Variants in WASL observed in about 807,000 individuals in gnomAD.
WASL encodes the protein WASP like actin nucleation promoting factor, also known as actin nucleation-promoting factor WASL.
Under a neutral mutation model 55.5 loss-of-function variants are expected in WASL, and 20 were observed. The observed-to-expected ratio is 0.36, with a 90% CI of 0.25 to 0.52. The LOEUF (loss-of-function observed/expected upper bound fraction) is 0.52. Ranked by LOEUF, WASL falls within the 20% of genes least tolerant of loss-of-function variation. The pLI, the probability that WASL is intolerant of heterozygous loss-of-function variation, is 0.92. For missense variants in WASL, 504 were observed against 622.5 expected, an observed-to-expected ratio of 0.81 and a Z score of 2.03; for synonymous variants, 249 against 217.6, an observed-to-expected ratio of 1.14 and a Z score of -1.27.
intron 10 of WASL, among the ~76,000 whole-genome samples, chr7:123,688,199 T>C (rs1803327977): frequency 1.3e-5 from 2 of 152,178 alleles, no homozygotes; most frequent in South Asian, 4.1e-4. Flanking sequence ...AACCTCAGAA[T>C]AGGTACTGGT....
Position 123,682,595 on chromosome 7 carries a change from A to G in WASL, c.*1924T>C, listed in dbSNP as rs916041755. 2.0e-5 allele frequency: 3 copies of G among 152,150 alleles called. No individual in the cohort carries two copies. Among genetic ancestry groups the G allele is most frequent in the African/African-American group, 7.2e-5 (3 of 41,448 alleles). The allele number at this position is 152,150 out of a possible 1,614,324, so 9.4% of individuals were successfully genotyped here. ...GGCCACAAGTTAAGAGAGATCTTAA[A>G]TTGGCATTACCCTGAAGACATTTCT... On this transcript the variant is annotated 3_prime_UTR_variant, in exon 11 of 11. Coordinates refer to ENST00000223023, the MANE Select transcript of WASL (RefSeq NM_003941.4).
At position 123,689,071 on chromosome 7, in the gene WASL, T is replaced by G; in HGVS notation, c.1427A>C (p.Gln476Pro). 1 of 1,613,592 alleles carries G rather than the reference T, an allele frequency of 6.2e-7. No homozygotes were observed. Among genetic ancestry groups the G allele is most frequent in the Non-Finnish European group, 8.5e-7 (1 of 1,179,776 alleles). The change falls in exon 10 of 11, where the codon CAG (glutamine) becomes CCG (proline). Residue 476 changes from glutamine (Q) to proline (P), a missense_variant. This residue lies in a region of WASL where 53 missense variants were observed against 69.1 expected (regional missense o/e 0.77). Transcript: ENST00000223023. ...GIVGALMEVM[Q>P]KRSKAIHSSD... ...AGAATGAATGGCTTTGCTCCTTTTC[T>G]GCATCACTTCCATTAATGCACCCAC...
chr7:123,686,290 T>C (rs1803287818), intron 10 of WASL, among the ~76,000 whole-genome samples: 1 of 152,062 alleles, frequency 6.6e-6, no homozygotes, highest in Non-Finnish European at 1.5e-5. Context: ...GTCATGTTAA[T>C]TTCTGTTTAC....
chr7:123,693,057 A>G (rs1803439207), intron 8 of WASL, among the ~76,000 whole-genome samples, 190 bp from the exon 9 acceptor site: 1 of 152,172 alleles, frequency 6.6e-6, no homozygotes, highest in Non-Finnish European at 1.5e-5. Flanking sequence ...TTGTCAGCCT[A>G]AAGATCACTT....
intron 1 of WASL, among the ~76,000 whole-genome samples, chr7:123,721,791 T>TAGTCCC (rs1198134604): frequency 6.6e-6 from 1 of 152,090 alleles, no homozygotes; most frequent in East Asian, 1.9e-4. Context: ...CGGGCGCCTG[T>TAGTCCC]AGTCCCAGTC....
intron 1 of WASL, among the ~76,000 whole-genome samples, chr7:123,721,186 A>G (rs1228575173): frequency 6.6e-6 from 1 of 152,242 alleles, no homozygotes; most frequent in African/African-American, 2.4e-5. Context: ...AATAAAAATA[A>G]GCAAATTAAA....
intron 10 of WASL, among the ~76,000 whole-genome samples, chr7:123,684,886 T>A (rs1044729098): frequency 5.3e-5 from 8 of 152,024 alleles, no homozygotes; most frequent in African/African-American, 4.8e-5. Flanking sequence ...TCCAACTACC[T>A]TCTTGTACTC....
chr7:123,708,193 CAA>C (rs1803702082), intron 2 of WASL, among the ~76,000 whole-genome samples: 3 of 151,934 alleles, frequency 2.0e-5, no homozygotes, highest in Non-Finnish European at 4.4e-5. Flanking sequence ...ACAACAACAA[CAA>C]CAACAAAAGA....
At chr7:123,699,795 C>G (rs186884683) in intron 5 of WASL, among the ~76,000 whole-genome samples, 11 of 152,274 alleles carry the variant, frequency 7.2e-5, no homozygotes, top group Non-Finnish European at 4.4e-5. Flanking sequence ...CCCTCTTTCT[C>G]TACCCAAAAA....
chr7:123,726,212 A>C (rs762756802), intron 1 of WASL, among the ~76,000 whole-genome samples: 13 of 152,234 alleles, frequency 8.5e-5, no homozygotes, highest in Non-Finnish European at 7.3e-5. Flanking sequence ...TATAAGGTCA[A>C]TTATTATTAA....
intron 1 of WASL, among the ~76,000 whole-genome samples, chr7:123,712,750 C>T (rs1803778768): frequency 6.6e-6 from 1 of 152,186 alleles, no homozygotes; most frequent in Non-Finnish European, 1.5e-5. Context: ...TTAGCCACTG[C>T]TGCAATGGCC....
chr7:123,710,068 G>T (rs1033386807), intron 1 of WASL, among the ~76,000 whole-genome samples: 1 of 151,948 alleles, frequency 6.6e-6, no homozygotes, highest in African/African-American at 2.4e-5. Context: ...ATCATGAAAA[G>T]GTGTAAACTA....
intron 1 of WASL, among the ~76,000 whole-genome samples, chr7:123,711,221 A>G (rs1803750097): frequency 6.6e-6 from 1 of 152,184 alleles, no homozygotes; most frequent in Admixed American, 6.6e-5. Context: ...TCATGATGTT[A>G]TAAATATTCA....
Position 123,695,881 on chromosome 7 carries a change from GAAAA to G in WASL, c.630-20_630-17del. The G allele has an allele frequency of 6.2e-7, 1 of 1,608,438 alleles. No homozygotes were observed. The highest frequency in any genetic ancestry group is 8.5e-7 in the Non-Finnish European group (1 of 1,176,714). Reference sequence around the variant, plus strand: ...TCCAATGTGCCTGAAGTAGAAAATAGAAAAAAAATAGAAAAACAAAATGCATAAA... The same window carrying G: ...TCCAATGTGCCTGAAGTAGAAAATAGAAAATAGAAAAACAAAATGCATAAA... On this transcript the variant is annotated splice_polypyrimidine_tract_variant and intron_variant, in intron 6 of 10. Transcript: ENST00000223023.
chr7:123,721,882 A>ATAACT (rs10656221), intron 1 of WASL, among the ~76,000 whole-genome samples: 69,242 of 151,568 alleles, frequency 0.46, 16,013 homozygotes, highest in South Asian at 0.66. Flanking sequence ...TTGAGATTTA[A>ATAACT]TAAATGTTCT....
At chr7:123,747,216 T>A (rs1804448029) in intron 1 of WASL, among the ~76,000 whole-genome samples, 1 of 152,170 alleles carries the variant, frequency 6.6e-6, no homozygotes, top group Non-Finnish European at 1.5e-5. Flanking sequence ...GGTTACATTA[T>A]TAAATTGCTG....
chr7:123,712,959 G>A lies in WASL; in HGVS notation c.118-3736C>T, dbSNP rs555699915. ...AGATCAGGAAAATAGGTATTTCTTT[G>A]ACTACAGAAACAGCTAGACCACAAA... is the stretch of plus-strand genomic sequence containing the variant. On this transcript the variant is annotated intron_variant, in intron 1 of 10. Transcript: ENST00000223023. Among the ~76,000 whole-genome samples the A allele has an allele frequency of 5.1e-4, 78 of 152,148 alleles. 1 individual carries two copies. Among genetic ancestry groups the A allele is most frequent in the Non-Finnish European group, 8.1e-4 (55 of 67,986 alleles).
chr7:123,738,564 C>T (rs1457624348), intron 1 of WASL, among the ~76,000 whole-genome samples: 1 of 152,148 alleles, frequency 6.6e-6, no homozygotes, highest in Non-Finnish European at 1.5e-5. Context: ...TTAAATATTG[C>T]CAATTTTTTC....
chr7:123,699,929 C>T (rs1347033042), intron 5 of WASL, among the ~76,000 whole-genome samples: 1 of 152,008 alleles, frequency 6.6e-6, no homozygotes, highest in Admixed American at 6.5e-5. Flanking sequence ...GTAATCCCAG[C>T]ACTTTGGGAG....
Sources: gnomAD v4.1 joint callset for allele counts (sites outside exome capture counted in the v4.1 genomes callset) on GRCh38, gnomAD v4.1.1 for gene constraint, gnomAD v4.1.1 regional missense constraint, MANE v1.5 for transcripts, NCBI Gene and HGNC (gene_info 2026-07-23, HGNC 2026-07-21) for gene names.